SETD2: variants seen among roughly 807,000 people sequenced by gnomAD.
SETD2 encodes the protein SET domain containing 2, histone lysine methyltransferase, also known as histone-lysine N-methyltransferase SETD2.
A neutral mutation model predicts 242.1 loss-of-function variants in SETD2; 31 were observed. The ratio of observed to expected loss-of-function variants is 0.13; its 90% CI spans 0.10 to 0.17. The LOEUF is 0.17. SETD2 is among the 10% of genes least tolerant of loss of function. The pLI is 1.00. For missense variants in SETD2, 2,481 were observed against 3,046.3 expected (o/e 0.81, Z 4.37); for synonymous variants, 1,006 against 1,066.5 (o/e 0.94, Z 1.11).
At position 47,121,079 on chromosome 3, in the gene SETD2, G is replaced by A. The variant is rs1346882059; in HGVS notation, c.3557C>T (p.Ser1186Leu). Residue 1186 changes from serine (S) to leucine (L), a missense_variant, in exon 3 of 21, where the codon TCA becomes TTA. Around this residue, in one of 17 missense-constraint regions of SETD2, gnomAD observed 1,300 missense variants for 1,259.2 expected, o/e 1.03. Coordinates refer to ENST00000409792, the MANE Select transcript of SETD2 (RefSeq NM_014159.7). ...TATTTTGGCTTTCACGGTTTCCTCT[G>A]AATTTGGGTGACCCAGAGGGTCAGA... ...VKSDPLGHPN[S>L]EETVKAKIPS... 6.2e-7 allele frequency: 1 copy of A among 1,614,060 alleles called. No homozygotes were observed. The highest frequency in any genetic ancestry group is 8.5e-7 in the Non-Finnish European group (1 of 1,179,984).
chr3:47,124,966 A>G lies in SETD2; in HGVS notation c.88-418T>C, dbSNP rs116338066. 3.6e-3 allele frequency among the ~76,000 whole-genome samples: 543 copies of G among 152,290 alleles called. 4 individuals are homozygous for G. Among genetic ancestry groups the G allele is most frequent in the African/African-American group, 0.012 (519 of 41,550 alleles). On this transcript the variant is annotated intron_variant, in intron 2 of 20. Transcript: ENST00000409792. ...TTGTTCTTGTGTTCTATCAGAGATG[A>G]AAAATCAGAGGTCATCAAGACCAGT...
At chr3:47,112,028 T>A (rs1244390304) in intron 5 of SETD2, among the ~76,000 whole-genome samples, 2 of 152,158 alleles carry the variant, frequency 1.3e-5, no homozygotes, top group African/African-American at 4.8e-5. Context: ...TTTTTTCTTT[T>A]ATATATTTTT....
chr3:47,163,719 G>T (rs2106866954), intron 1 of SETD2, 135 bp downstream of exon 1: 1 of 496,350 alleles, frequency 2.0e-6, no homozygotes, highest in South Asian at 9.2e-5. Flanking sequence ...GCCTGCTCCC[G>T]ACACCGACCG....
intron 12 of SETD2, chr3:47,081,214 C>T (rs2041302835): frequency 2.6e-6 from 1 of 386,140 alleles, no homozygotes; most frequent in African/African-American, 2.2e-5. Context: ...AGTCTGCCAT[C>T]ACAGCAAAAC....
At chr3:47,073,146 A>C (rs1331417215) in intron 12 of SETD2, among the ~76,000 whole-genome samples, 1 of 89,744 alleles carries the variant, frequency 1.1e-5, no homozygotes. Context: ...GTGACATTCC[A>C]TCTCAAAAAA....
chr3:47,133,588 C>T (rs1464630757), intron 1 of SETD2, among the ~76,000 whole-genome samples: 4 of 152,004 alleles, frequency 2.6e-5, no homozygotes, highest in Non-Finnish European at 4.4e-5. Context: ...CAAAAATTAG[C>T]CAGGCGTGGT....
At chr3:47,138,096 C>G (rs535375588) in intron 1 of SETD2, among the ~76,000 whole-genome samples, 9 of 151,618 alleles carry the variant, frequency 5.9e-5, no homozygotes, top group Non-Finnish European at 7.4e-5. Context: ...CTCAGCCTCC[C>G]GAGTAGCTGG....
chr3:47,061,257 C>T (rs1162182765), intron 14 of SETD2, among the ~76,000 whole-genome samples: 2 of 151,972 alleles, frequency 1.3e-5, no homozygotes, highest in Non-Finnish European at 2.9e-5. Context: ...ACAGAAATGG[C>T]CAATACAAAC....
intron 7 of SETD2, 104 bp from the exon 8 acceptor site, chr3:47,101,659 C>A (rs2042219320): frequency 9.5e-6 from 6 of 631,146 alleles, no homozygotes; most frequent in Middle Eastern, 3.5e-4. Flanking sequence ...TCATCATCAT[C>A]TGCCTTAATT....
intron 5 of SETD2, among the ~76,000 whole-genome samples, chr3:47,106,537 C>T (rs1161975089): frequency 7.6e-6 from 1 of 130,792 alleles, no homozygotes; most frequent in East Asian, 2.3e-4. Flanking sequence ...GGCAGCCGGG[C>T]GCAGAGGCTC....
intron 6 of SETD2, among the ~76,000 whole-genome samples, chr3:47,104,798 G>A (rs2042345468): frequency 6.6e-6 from 1 of 152,218 alleles, no homozygotes; most frequent in African/African-American, 2.4e-5. Context: ...TGGGCTGGGT[G>A]TAGTGGTTCA....
At position 47,120,262 on chromosome 3, in the gene SETD2, C is replaced by A. The variant is rs2107739649; in HGVS notation, c.4374G>T (p.Gln1458His). The A allele has an allele frequency of 1.2e-6, 2 of 1,608,688 alleles. No homozygotes were observed. The highest frequency in any genetic ancestry group is 1.7e-6 in the Non-Finnish European group (2 of 1,178,042). ...SCVMDDFRDPQRWKECAKQGK... is the reference protein window; with the variant it reads ...SCVMDDFRDPHRWKECAKQGK... ...CTTGCTTGGCACATTCCTTCCATCG[C>A]TGTGGGTCCCTGAAGTCATCCATGA... The change falls in exon 3 of 21, where the codon CAG becomes CAT. Residue 1458 changes from glutamine to histidine, a missense_variant. By Grantham distance (24) the Gln-to-His change is conservative. This residue lies in a region of SETD2 where 48 missense variants were observed against 76.6 expected (regional missense o/e 0.63). Transcript: ENST00000409792.
rs1575818503 is a variant in SETD2, at chr3:47,123,586, ATC to A, written c.1048_1049del (p.Asp350PhefsTer2). 1 of 1,550,380 alleles carries A rather than the reference ATC, an allele frequency of 6.5e-7. No individual in the cohort carries two copies. Among genetic ancestry groups the A allele is most frequent in the Non-Finnish European group, 8.7e-7 (1 of 1,146,826 alleles). On this transcript the variant is annotated frameshift_variant, in exon 3 of 21. Transcript: ENST00000409792. LOFTEE classifies it high-confidence loss of function. ...TTAAAGGTGCTGAGCTCTTTTTAAA[ATC>A]TCTTTCCTTTTCAATGCTTGCTGAA... ...KFSASIEKER[D>X]FKKSSAPLKS... is the part of the protein sequence containing the mutation.
At chr3:47,091,216 T>C (rs2041790378) in intron 9 of SETD2, among the ~76,000 whole-genome samples, 1 of 152,208 alleles carries the variant, frequency 6.6e-6, no homozygotes, top group South Asian at 2.1e-4. Flanking sequence ...GTGTCCCAAA[T>C]TCTACGGTAT....
At chr3:47,140,069 CAAGT>C (rs548948343) in intron 1 of SETD2, among the ~76,000 whole-genome samples, 52 of 152,302 alleles carry the variant, frequency 3.4e-4, no homozygotes, top group Non-Finnish European at 6.6e-4. Context: ...AATTACTACA[CAAGT>C]GAGTAAAGCT....
intron 15 of SETD2, 139 bp downstream of exon 15, chr3:47,056,682 A>G: frequency 3.0e-6 from 2 of 676,980 alleles, no homozygotes; most frequent in Non-Finnish European, 5.0e-6. Flanking sequence ...AATATTTCAC[A>G]CAATAGATAA....
intron 5 of SETD2, among the ~76,000 whole-genome samples, chr3:47,111,328 G>A (rs964786395): frequency 6.6e-6 from 1 of 152,032 alleles, no homozygotes; most frequent in African/African-American, 2.4e-5. Context: ...AATTCTGTGG[G>A]ATATTTGCTT....
At chr3:47,095,622 T>G (rs373056246) in intron 9 of SETD2, among the ~76,000 whole-genome samples, 5 of 152,120 alleles carry the variant, frequency 3.3e-5, no homozygotes, top group Non-Finnish European at 5.9e-5. Context: ...GTGACTACAC[T>G]TCCATAGATA....
chr3:47,044,381 A>AAAAAAAAAAAC (rs2039426110), intron 16 of SETD2, among the ~76,000 whole-genome samples: 1 of 129,522 alleles, frequency 7.7e-6, no homozygotes, highest in African/African-American at 2.9e-5. Flanking sequence ...AAAAAAAAAA[A>AAAAAAAAAAAC]AAAAAGGCCT....
Sources: allele counts gnomAD v4.1 joint callset (sites outside exome capture counted in the v4.1 genomes callset), GRCh38; gene constraint gnomAD v4.1.1; regional missense constraint gnomAD v4.1.1; transcripts MANE v1.5; gene names NCBI Gene and HGNC (gene_info 2026-07-23, HGNC 2026-07-21).